RBM20: variants seen among roughly 807,000 people sequenced by gnomAD.
RBM20 encodes RNA-binding protein 20.
A neutral mutation model predicts 110.1 loss-of-function variants in RBM20; 51 were observed. That is an observed-to-expected ratio of 0.46 (90% CI 0.37 to 0.59). RBM20 has a LOEUF of 0.59. Among genes scored for constraint, RBM20 ranks in the 20% least tolerant of loss-of-function variants. RBM20 has a pLI of 0.00. For synonymous variants in RBM20, 589 were observed against 618.2 expected (o/e 0.95, Z 0.70); for missense variants, 1,512 against 1,574.9 (o/e 0.96, Z 0.68).
intron 1 of RBM20, among the ~76,000 whole-genome samples, chr10:110,666,332 C>A (rs10787261): frequency 0.76 from 115,076 of 152,136 alleles, 43,706 homozygotes; most frequent in Non-Finnish European, 0.78. Context: ...GCTGTGGAGC[C>A]GACAGACCCT....
At chr10:110,676,300 G>A (rs552688210) in intron 1 of RBM20, among the ~76,000 whole-genome samples, 27 of 152,146 alleles carry the variant, frequency 1.8e-4, no homozygotes, top group African/African-American at 6.0e-4. Flanking sequence ...TCCTGACGGC[G>A]CTGACAGATA....
chr10:110,699,277 T>TC (rs1184323740), intron 1 of RBM20, among the ~76,000 whole-genome samples: 1 of 147,698 alleles, frequency 6.8e-6, no homozygotes, highest in South Asian at 2.1e-4. Context: ...TTTTTTTTTT[T>TC]CCTGAGACGG....
chr10:110,812,338 C>G lies in RBM20; in HGVS notation c.1941C>G (p.Ser647=). The change falls in exon 9 of 14, where the codon TCC becomes TCG. Residue 647 remains serine, a synonymous_variant. Transcript: ENST00000369519. ...SPVSRSLSPR[S]HTPSFTSCSS... is the part of the protein sequence containing the mutation. ...TGAGCCGGTCACTCTCCCCGAGGTC[C>G]CACACTCCCAGCTTCACCTCCTGCA... 1 of 1,551,580 alleles carries G rather than the reference C, an allele frequency of 6.4e-7. No homozygotes were observed. The highest frequency in any genetic ancestry group is 8.7e-7 in the Non-Finnish European group (1 of 1,146,994).
At chr10:110,787,353 G>A (rs1028960070) in intron 5 of RBM20, among the ~76,000 whole-genome samples, 6 of 152,240 alleles carry the variant, frequency 3.9e-5, no homozygotes, top group African/African-American at 1.4e-4. Flanking sequence ...GATAATATCA[G>A]GGACAATGAT....
chr10:110,816,241 T>C (rs1844836666), intron 9 of RBM20, among the ~76,000 whole-genome samples: 1 of 150,104 alleles, frequency 6.7e-6, no homozygotes, highest in African/African-American at 2.5e-5. Flanking sequence ...TGCACATGAT[T>C]TCAACACCCC....
intron 1 of RBM20, among the ~76,000 whole-genome samples, chr10:110,741,602 C>T (rs1359091532): frequency 6.6e-6 from 1 of 152,202 alleles, no homozygotes; most frequent in Non-Finnish European, 1.5e-5. Flanking sequence ...TTCCCCGAAT[C>T]TCTATCTTCT....
intron 1 of RBM20, among the ~76,000 whole-genome samples, chr10:110,658,444 T>C (rs1422934930): frequency 2.6e-5 from 4 of 152,208 alleles, no homozygotes; most frequent in African/African-American, 4.8e-5. Context: ...ACTAAGTAAC[T>C]AGGAGTAGCT....
intron 1 of RBM20, among the ~76,000 whole-genome samples, chr10:110,645,793 A>C (rs756375180): frequency 1.2e-4 from 18 of 150,144 alleles, no homozygotes; most frequent in Non-Finnish European, 2.5e-4. Flanking sequence ...CCCTATGTTG[A>C]CTGGTGGAAT....
intron 1 of RBM20, among the ~76,000 whole-genome samples, chr10:110,680,873 G>T (rs147552819): frequency 1.4e-4 from 22 of 152,100 alleles, no homozygotes; most frequent in Admixed American, 3.9e-4. Context: ...TGTTTCTCTC[G>T]TGTGCTCCCC....
chr10:110,667,221 C>G (rs116018812), intron 1 of RBM20, among the ~76,000 whole-genome samples: 157 of 152,350 alleles, frequency 1.0e-3, no homozygotes, highest in African/African-American at 3.7e-3. Flanking sequence ...AGTGCATTCA[C>G]CAAGATCCTA....
At chr10:110,707,234 A>G (rs1297292693) in intron 1 of RBM20, among the ~76,000 whole-genome samples, 1 of 152,218 alleles carries the variant, frequency 6.6e-6, no homozygotes, top group Admixed American at 6.5e-5. Context: ...TATCCTAGAA[A>G]AACATCTCAT....
At chr10:110,763,439 C>T (rs918819524) in intron 1 of RBM20, among the ~76,000 whole-genome samples, 51 of 152,122 alleles carry the variant, frequency 3.4e-4, no homozygotes, top group Non-Finnish European at 6.0e-4. Context: ...TAGGAGATTA[C>T]AGTGGACACC....
At chr10:110,790,293 T>C (rs746749028) in intron 5 of RBM20, among the ~76,000 whole-genome samples, 2 of 152,202 alleles carry the variant, frequency 1.3e-5, no homozygotes, top group Non-Finnish European at 2.9e-5. Context: ...TGATGTGGCA[T>C]ATACTACCAG....
chr10:110,698,069 G>A (rs905748772), intron 1 of RBM20, among the ~76,000 whole-genome samples: 21 of 151,962 alleles, frequency 1.4e-4, no homozygotes, highest in Non-Finnish European at 2.5e-4. Context: ...CAACACGCCC[G>A]GCTAATTTTT....
chr10:110,691,436 C>T (rs1043117610), intron 1 of RBM20, among the ~76,000 whole-genome samples: 1 of 152,160 alleles, frequency 6.6e-6, no homozygotes, highest in African/African-American at 2.4e-5. Context: ...TTCTCAAACA[C>T]ACTTGTTATT....
intron 7 of RBM20, 94 bp from the exon 8 acceptor site, chr10:110,810,289 G>A (rs1003709657): frequency 3.4e-6 from 3 of 875,834 alleles, no homozygotes; most frequent in Non-Finnish European, 5.6e-6. Flanking sequence ...CCCTTTTGGT[G>A]GACCAGGCAA....
rs780115137 is a variant in RBM20 at position 110,812,396 on chromosome 10, G to C, written c.1999G>C (p.Ala667Pro). The stretch of plus-strand genomic sequence containing the variant: ...CCACAGCCCTCCGGGCCCCTCCCGG[G>C]CTGACTGGGGCAATGGCCGGGACTC... ...SSHSPPGPSR[A>P]DWGNGRDSWE... is the part of the protein sequence containing the mutation. The change falls in exon 9 of 14, where the codon GCT (alanine) becomes CCT (proline). Residue 667 changes from alanine to proline, a missense_variant. Ala to Pro is a conservative substitution (Grantham distance 27). Coordinates refer to ENST00000369519, the MANE Select transcript of RBM20 (RefSeq NM_001134363.3). 6.4e-7 allele frequency: 1 copy of C among 1,551,676 alleles called. No individual in the cohort carries two copies. Among genetic ancestry groups the C allele is most frequent in the South Asian group, 1.2e-5 (1 of 84,060 alleles).
chr10:110,788,026 G>A (rs1844441253), intron 5 of RBM20, among the ~76,000 whole-genome samples: 1 of 152,178 alleles, frequency 6.6e-6, no homozygotes, highest in Non-Finnish European at 1.5e-5. Context: ...TTGGGAAACT[G>A]AGGCCTAGAG....
intron 1 of RBM20, among the ~76,000 whole-genome samples, chr10:110,654,697 A>G (rs1047206891): frequency 9.9e-5 from 15 of 152,218 alleles, no homozygotes; most frequent in African/African-American, 3.6e-4. Flanking sequence ...CCACTTTGGT[A>G]CTCCTATTTT....
Sources: allele counts gnomAD v4.1 joint callset (sites outside exome capture counted in the v4.1 genomes callset), GRCh38; gene constraint gnomAD v4.1.1; transcripts MANE v1.5; gene names NCBI Gene and HGNC (gene_info 2026-07-23, HGNC 2026-07-21).